NAV2: variants seen among roughly 807,000 people sequenced by gnomAD.
NAV2 encodes neuron navigator 2, also known as helicase, APC down-regulated 1.
A neutral mutation model predicts 223.2 loss-of-function variants in NAV2; 54 were observed. The ratio of observed to expected loss-of-function variants is 0.24; its 90% confidence interval spans 0.19 to 0.30. The LOEUF is 0.30. NAV2 is among the 10% of genes least tolerant of loss of function. The pLI is 1.00. For synonymous variants in NAV2, 1,279 were observed against 1,239.3 expected (o/e 1.03, Z -0.67); for missense variants, 2,806 against 3,147.5 (o/e 0.89, Z 2.60).
chr11:19,398,845 T>A (rs1849571683), intron 1 of NAV2, among the ~76,000 whole-genome samples: 1 of 152,164 alleles, frequency 6.6e-6, no homozygotes, highest in Non-Finnish European at 1.5e-5. Flanking sequence ...AGCTAGTGGG[T>A]GCACAACATT....
intron 1 of NAV2, 116 bp from the exon 2 acceptor site, chr11:19,832,368 G>A: frequency 1.4e-6 from 1 of 738,142 alleles, no homozygotes; most frequent in Non-Finnish European, 2.4e-6. Flanking sequence ...GGTGCTGGCT[G>A]GCCCTGAAAG....
At chr11:19,506,325 G>A (rs1316455734) in intron 1 of NAV2, 2 of 152,232 alleles carry the variant, frequency 1.3e-5, no homozygotes, top group Non-Finnish European at 2.9e-5. Flanking sequence ...GACCCAAGTG[G>A]CAGAACTGCC....
chr11:19,388,646 C>T (rs1194885668), intron 1 of NAV2, among the ~76,000 whole-genome samples: 3 of 152,066 alleles, frequency 2.0e-5, no homozygotes, highest in Non-Finnish European at 4.4e-5. Flanking sequence ...GTGCTTGACC[C>T]CGAATGCTGC....
intron 1 of NAV2, among the ~76,000 whole-genome samples, chr11:19,655,141 A>G (rs188246690): frequency 6.6e-6 from 1 of 152,376 alleles, no homozygotes; most frequent in Non-Finnish European, 1.5e-5. Flanking sequence ...ACGTGAAAAA[A>G]TGCTCATCAT....
At chr11:19,680,604 T>C (rs2048855559) in intron 1 of NAV2, among the ~76,000 whole-genome samples, 1 of 152,192 alleles carries the variant, frequency 6.6e-6, no homozygotes, top group African/African-American at 2.4e-5. Context: ...TGCATTTGAA[T>C]CCTGCCTCTA....
chr11:19,364,206 A>G (rs938817523), intron 1 of NAV2, among the ~76,000 whole-genome samples: 3 of 152,184 alleles, frequency 2.0e-5, no homozygotes, highest in Admixed American at 2.0e-4. Context: ...AATGCTTGTT[A>G]TGAATAACAA....
chr11:19,449,718 C>T (rs2133778966), intron 1 of NAV2, among the ~76,000 whole-genome samples: 1 of 152,226 alleles, frequency 6.6e-6, no homozygotes, highest in Non-Finnish European at 1.5e-5. Flanking sequence ...GGTTGTGTGC[C>T]CCTTGAGGGC....
intron 8 of NAV2, among the ~76,000 whole-genome samples, chr11:19,943,186 G>A: frequency 6.6e-6 from 1 of 152,106 alleles, no homozygotes; most frequent in East Asian, 1.9e-4. Context: ...CTAAGAATCA[G>A]TATTTTTTTA....
At chr11:19,693,335 G>T (rs770798290) in intron 1 of NAV2, among the ~76,000 whole-genome samples, 5 of 152,188 alleles carry the variant, frequency 3.3e-5, no homozygotes, top group Non-Finnish European at 7.3e-5. Context: ...GCAACAGCTA[G>T]AGGAAATACA....
Position 20,045,629 on chromosome 11 carries a change from T to G in NAV2, c.3861T>G (p.Pro1287=). 1 of 1,614,226 alleles carries G rather than the reference T, an allele frequency of 6.2e-7. No homozygotes were observed. Among genetic ancestry groups the G allele is most frequent in the Non-Finnish European group, 8.5e-7 (1 of 1,180,040 alleles). Reference sequence around the variant, plus strand: ...GTCCGGCTCAGACCAGTCTCCAGCCTGGAGCCAAGTACCCAGATGTGGCCT... The same window carrying G: ...GTCCGGCTCAGACCAGTCTCCAGCCGGGAGCCAAGTACCCAGATGTGGCCT... ...VSSPAQTSLQ[P]GAKYPDVASP... The change falls in exon 14 of 38, where the codon CCT becomes CCG. Residue 1287 remains proline, a synonymous_variant. Transcript: ENST00000349880.
At chr11:19,692,689 G>A (rs149807554) in intron 1 of NAV2, among the ~76,000 whole-genome samples, 1 of 152,284 alleles carries the variant, frequency 6.6e-6, no homozygotes, top group East Asian at 1.9e-4. Flanking sequence ...GATCATACAG[G>A]CAATTATACT....
intron 2 of NAV2, among the ~76,000 whole-genome samples, chr11:19,841,781 C>A (rs766972560): frequency 6.6e-6 from 1 of 152,068 alleles, no homozygotes; most frequent in Non-Finnish European, 1.5e-5. Flanking sequence ...CAAACTGAGA[C>A]GGAGATATCA....
intron 3 of NAV2, among the ~76,000 whole-genome samples, chr11:19,859,999 ACC>A (rs777023725): frequency 2.3e-5 from 1 of 44,106 alleles, no homozygotes. Context: ...CGGGGGGCTG[ACC>A]CCCCCTCCCT....
chr11:19,749,485 G>C (rs1257308100), intron 1 of NAV2, among the ~76,000 whole-genome samples: 1 of 152,206 alleles, frequency 6.6e-6, no homozygotes, highest in Non-Finnish European at 1.5e-5. Flanking sequence ...ACCTGTCAGA[G>C]TTTAGATTCA....
At chr11:19,810,279 T>C (rs747961351) in intron 1 of NAV2, among the ~76,000 whole-genome samples, 9 of 152,168 alleles carry the variant, frequency 5.9e-5, no homozygotes, top group Admixed American at 2.6e-4. Flanking sequence ...CATCATTGTG[T>C]TTTGGAGTGG....
intron 1 of NAV2, among the ~76,000 whole-genome samples, chr11:19,623,270 T>C (rs183718245): frequency 1.3e-5 from 2 of 152,316 alleles, no homozygotes; most frequent in Admixed American, 6.5e-5. Context: ...GAGGAGTATC[T>C]TTGTGGCATT....
chr11:19,590,436 C>T (rs1469148250), intron 1 of NAV2, among the ~76,000 whole-genome samples: 1 of 152,178 alleles, frequency 6.6e-6, no homozygotes, highest in Non-Finnish European at 1.5e-5. Flanking sequence ...TGCCTCCCAG[C>T]TCCCCGCACC....
Position 19,903,714 on chromosome 11 carries a change from C to G in NAV2, c.931+11120C>G, listed in dbSNP as rs762357456. ...CTAGGACTGTAAGTCACTGCTGCCC[C>G]CTACTGCCCAAGTTTTGTGTGTGTT... On this transcript the variant is annotated intron_variant, in intron 6 of 37. Transcript: ENST00000349880. Among the ~76,000 whole-genome samples, 5 of 152,160 alleles carry G rather than the reference C, an allele frequency of 3.3e-5. No individual in the cohort carries two copies. In the East Asian group the frequency reaches 9.7e-4, roughly 29 times the overall value.
intron 1 of NAV2, among the ~76,000 whole-genome samples, chr11:19,560,799 G>C (rs1342328824): frequency 6.6e-6 from 1 of 152,220 alleles, no homozygotes; most frequent in Non-Finnish European, 1.5e-5. Flanking sequence ...GAATAGAGTA[G>C]ACCAGATAGA....
Sources: gnomAD v4.1 joint callset for allele counts (sites outside exome capture counted in the v4.1 genomes callset) on GRCh38, gnomAD v4.1.1 for gene constraint, MANE v1.5 for transcripts, NCBI Gene and HGNC (gene_info 2026-07-23, HGNC 2026-07-21) for gene names.